SLC44A3: variants seen among roughly 807,000 people sequenced by gnomAD.
SLC44A3 encodes solute carrier family 44 member 3.
Under a neutral mutation model 75.4 loss-of-function variants are expected in SLC44A3, and 74 were observed. That is an observed-to-expected ratio of 0.98 (90% CI 0.81 to 1.19). The LOEUF (loss-of-function observed/expected upper bound fraction) is 1.19, where lower values mean the gene tolerates loss of function less well. SLC44A3 is among the 50% of genes most tolerant of loss of function. SLC44A3 has a pLI of 0.00. For missense variants in SLC44A3, 700 were observed against 778.6 expected (o/e 0.90, Z 1.20); for synonymous variants, 310 against 296.9 (o/e 1.04, Z -0.45).
intron 10 of SLC44A3, among the ~76,000 whole-genome samples, chr1:94,863,681 AAC>A (rs1666849580): frequency 6.6e-6 from 1 of 152,208 alleles, no homozygotes; most frequent in Non-Finnish European, 1.5e-5. Context: ...ACTGTGTTGA[AAC>A]ACACATCCTT....
chr1:94,864,782 T>G lies in SLC44A3; in HGVS notation c.1278T>G (p.Ser426=). ...NDPPDHPILS[S]LSILFFYHQG... ...CTCCTGATCATCCCATCCTTTCGTC[T>G]CTCTCCATTCTCTTCTTCTACCATC... is the stretch of plus-strand genomic sequence containing the variant. Residue 426 remains serine, a synonymous_variant, in exon 11 of 15, where the codon TCT becomes TCG. Transcript: ENST00000271227. 6.2e-7 allele frequency: 1 copy of G among 1,613,958 alleles called. No homozygotes were observed. Among genetic ancestry groups the G allele is most frequent in the African/African-American group, 1.3e-5 (1 of 75,032 alleles).
intron 7 of SLC44A3, among the ~76,000 whole-genome samples, chr1:94,840,649 G>A (rs990530959): frequency 6.6e-6 from 1 of 152,128 alleles, no homozygotes; most frequent in African/African-American, 2.4e-5. Flanking sequence ...CCAATACCGT[G>A]ATCCTGTATC....
chr1:94,823,998 T>A (rs1004885419), intron 2 of SLC44A3, among the ~76,000 whole-genome samples: 1 of 152,172 alleles, frequency 6.6e-6, no homozygotes, highest in African/African-American at 2.4e-5. Context: ...AAAACACTAT[T>A]TGCAGATTGG....
intron 8 of SLC44A3, among the ~76,000 whole-genome samples, chr1:94,843,881 G>A (rs6694343): frequency 2.7e-5 from 4 of 150,108 alleles, no homozygotes; most frequent in South Asian, 2.1e-4. Flanking sequence ...GGCGGGGTGG[G>A]GGGGGTGGTC....
At chr1:94,868,448 T>C (rs1667405696) in intron 12 of SLC44A3, among the ~76,000 whole-genome samples, 1 of 152,204 alleles carries the variant, frequency 6.6e-6, no homozygotes, top group South Asian at 2.1e-4. Flanking sequence ...GCTCTTAAAC[T>C]TGGAGAACAT....
In SLC44A3 at chr1:94,841,987, T is replaced by G. The variant is rs757318821; in HGVS notation, c.761-13T>G. The G allele has an allele frequency of 1.9e-5, 30 of 1,604,944 alleles. No homozygotes were observed. The highest frequency in any genetic ancestry group is 2.5e-5 in the Non-Finnish European group (29 of 1,176,736). On this transcript the variant is annotated splice_polypyrimidine_tract_variant and intron_variant, in intron 7 of 14. Coordinates refer to ENST00000271227, the MANE Select transcript of SLC44A3 (RefSeq NM_001114106.3). ...GCGTGTGCCCTGAGCTCTGCTACTG[T>G]TCTCTTTTCTAGTTGTCTGCGGTGT...
chr1:94,888,910 TAC>T (rs1491436192), intron 12 of SLC44A3, among the ~76,000 whole-genome samples: 3 of 126,900 alleles, frequency 2.4e-5, no homozygotes, highest in African/African-American at 5.9e-5. Context: ...TATATATATA[TAC>T]ACATATATAT....
At chr1:94,887,395 G>C (rs781069438) in intron 12 of SLC44A3, among the ~76,000 whole-genome samples, 24 of 152,022 alleles carry the variant, frequency 1.6e-4, no homozygotes, top group Non-Finnish European at 2.9e-4. Context: ...GGTTGAATCT[G>C]GTAAAATGCT....
intron 4 of SLC44A3, among the ~76,000 whole-genome samples, chr1:94,827,921 C>T (rs1434494639): frequency 6.6e-6 from 1 of 152,134 alleles, no homozygotes; most frequent in African/African-American, 2.4e-5. Context: ...GAGGAGACAG[C>T]CCACATTTAA....
chr1:94,823,136 A>G (rs1660842256), intron 2 of SLC44A3, among the ~76,000 whole-genome samples: 1 of 152,218 alleles, frequency 6.6e-6, no homozygotes, highest in Non-Finnish European at 1.5e-5. Context: ...GAATGATGGT[A>G]AATGGAAAAC....
rs529661087 is a variant in SLC44A3, at chr1:94,862,407, C to T, written c.1239-2336C>T. The stretch of plus-strand genomic sequence containing the variant: ...TAGGACCATGATGCGGCTTGCCTGG[C>T]TGTATGCACTCTGTTGTCTGATGGG... On this transcript the variant is annotated intron_variant, in intron 10 of 14. Transcript: ENST00000271227. Among the ~76,000 whole-genome samples the T allele has an allele frequency of 6.8e-4, 103 of 152,336 alleles. No individual in the cohort carries two copies. The South Asian group carries it at 0.016, about 23-fold the overall frequency.
Position 94,824,628 on chromosome 1 carries a change from C to T in SLC44A3, c.271C>T (p.Leu91=), listed in dbSNP as rs1571148398. ...CCCTCTTTCAGGGCAGGACATGACC[C>T]TAAAAAAGTAAGTATCTAAATAAGT... is the stretch of plus-strand genomic sequence containing the variant. ...GAPLSGQDMT[L]KKHVFFMNSC... The change falls in exon 3 of 15, where the codon CTA becomes TTA. Residue 91 remains leucine, a synonymous_variant. Coordinates refer to ENST00000271227, the MANE Select transcript of SLC44A3 (RefSeq NM_001114106.3). 1 of 1,577,822 alleles carries T rather than the reference C, an allele frequency of 6.3e-7. No individual in the cohort carries two copies. The highest frequency in any genetic ancestry group is 8.6e-7 in the Non-Finnish European group (1 of 1,167,954).
At chr1:94,822,053 C>T (rs966203610) in intron 2 of SLC44A3, among the ~76,000 whole-genome samples, 2 of 152,198 alleles carry the variant, frequency 1.3e-5, no homozygotes, top group African/African-American at 4.8e-5. Context: ...TGCTTAACTT[C>T]GCAGATGGTT....
At chr1:94,839,404 T>C (rs1345009880) in intron 6 of SLC44A3, among the ~76,000 whole-genome samples, 1 of 152,132 alleles carries the variant, frequency 6.6e-6, no homozygotes, top group Non-Finnish European at 1.5e-5. Context: ...TTTTTTTTTA[T>C]TGAGACAGAG....
At chr1:94,850,064 G>T (rs1382675452) in intron 9 of SLC44A3, among the ~76,000 whole-genome samples, 2 of 152,094 alleles carry the variant, frequency 1.3e-5, no homozygotes, top group African/African-American at 4.8e-5. Context: ...ATGGTTGAAT[G>T]AATACTATTT....
intron 12 of SLC44A3, among the ~76,000 whole-genome samples, chr1:94,889,535 C>CAT (rs1669970029): frequency 9.0e-6 from 1 of 111,422 alleles, no homozygotes; most frequent in African/African-American, 2.6e-5. Flanking sequence ...CACACACACA[C>CAT]ACACACACAC....
intron 14 of SLC44A3, among the ~76,000 whole-genome samples, chr1:94,893,290 G>A (rs998335947): frequency 6.6e-6 from 1 of 152,088 alleles, no homozygotes; most frequent in East Asian, 1.9e-4. Flanking sequence ...TGCACTCTTT[G>A]GTTCAGCAGG....
rs1478301501 is a variant in SLC44A3, at chr1:94,857,240, GC to G, written c.1073-93del. ...GATTTTGGCATTTGTTTTATGTAAT[GC>G]CAAAGGCCAAGCATAAAGAAACATG... On this transcript the variant is annotated intron_variant, in intron 9 of 14. Transcript: ENST00000271227. The G allele has an allele frequency of 1.1e-5, 15 of 1,311,764 alleles. No homozygotes were observed. In the African/African-American group the frequency reaches 2.3e-4, roughly 20 times the overall value. The allele number at this position is 1,311,764 out of a possible 1,614,324, so 81.3% of individuals were successfully genotyped here.
intron 12 of SLC44A3, among the ~76,000 whole-genome samples, chr1:94,884,192 C>T (rs988934938): frequency 6.6e-6 from 1 of 152,242 alleles, no homozygotes; most frequent in Admixed American, 6.5e-5. Flanking sequence ...TCCCACCTGG[C>T]TGCAGCCCCA....
Sources: gnomAD v4.1 joint callset for allele counts (sites outside exome capture counted in the v4.1 genomes callset) on GRCh38, gnomAD v4.1.1 for gene constraint, MANE v1.5 for transcripts, NCBI Gene and HGNC (gene_info 2026-07-23, HGNC 2026-07-21) for gene names.